SEC63: variants seen among roughly 807,000 people sequenced by gnomAD.
The protein encoded by SEC63 is translocation protein SEC63 homolog.
In SEC63, 56 loss-of-function variants were observed where a neutral mutation model predicts 116.2. The ratio of observed to expected loss-of-function variants is 0.48; its 90% CI spans 0.39 to 0.60. The LOEUF (loss-of-function observed/expected upper bound fraction) is 0.60, where lower values mean the gene tolerates loss of function less well. Ranked by LOEUF, SEC63 falls within the 20% of genes least tolerant of loss-of-function variation. The probability of loss-of-function intolerance (pLI) is 0.00; values close to 1 mark genes in which losing one functional copy is unlikely to be tolerated. For missense variants in SEC63, 668 were observed against 900.0 expected, an observed-to-expected ratio of 0.74 and a Z score of 3.30; for synonymous variants, 273 against 294.6, an observed-to-expected ratio of 0.93 and a Z score of 0.75.
In SEC63 at chr6:107,893,490, C is replaced by G; in HGVS notation, c.1666G>C (p.Val556Leu). 3 of 1,612,464 alleles carry G rather than the reference C, an allele frequency of 1.9e-6. No homozygotes were observed. The highest frequency in any genetic ancestry group is 2.5e-6 in the Non-Finnish European group (3 of 1,179,552). Reference protein sequence around the residue: ...QQKQKQANGVVGNEAAVKEDE... With the variant: ...QQKQKQANGVLGNEAAVKEDE... Reference sequence around the variant, plus strand: ...GATAATAATAAACTTACATTCCCAACGACTCCATTTGCCTGCTTTTGTTTC... The same window carrying G: ...GATAATAATAAACTTACATTCCCAAGGACTCCATTTGCCTGCTTTTGTTTC... The change falls in exon 16 of 21, where the codon GTT (valine) becomes CTT (leucine). Residue 556 changes from valine to leucine, a missense_variant. Physicochemically the swap from Val to Leu is conservative, Grantham distance 32 (BLOSUM62 1). Transcript: ENST00000369002.
At chr6:107,892,809 T>C (rs1203987601) in intron 16 of SEC63, among the ~76,000 whole-genome samples, 4 of 152,148 alleles carry the variant, frequency 2.6e-5, no homozygotes, top group Non-Finnish European at 1.5e-5. Flanking sequence ...ATCTGCCAAA[T>C]AGCTAAAAGA....
chr6:107,882,821 C>T (rs1786442129), intron 17 of SEC63, among the ~76,000 whole-genome samples, 167 bp downstream of exon 17: 1 of 152,076 alleles, frequency 6.6e-6, no homozygotes, highest in Non-Finnish European at 1.5e-5. Context: ...ACCTTGACTA[C>T]CATTCCTTAA....
chr6:107,896,051 A>G (rs1786810560), intron 14 of SEC63, among the ~76,000 whole-genome samples: 1 of 152,042 alleles, frequency 6.6e-6, no homozygotes, highest in South Asian at 2.1e-4. Context: ...CTGTGGTCCC[A>G]GCTACTCAGG....
At chr6:107,906,934 T>TA (rs906391007) in intron 8 of SEC63, among the ~76,000 whole-genome samples, 157 bp from the exon 9 acceptor site, 2 of 152,132 alleles carry the variant, frequency 1.3e-5, no homozygotes, top group East Asian at 1.9e-4. Context: ...ATTTCTTCCA[T>TA]AAAAAAAGTA....
intron 1 of SEC63, among the ~76,000 whole-genome samples, chr6:107,942,510 G>T (rs1770397668): frequency 6.6e-6 from 1 of 152,018 alleles, no homozygotes; most frequent in Admixed American, 6.6e-5. Flanking sequence ...GACTTTTCTG[G>T]ACACTGAGGA....
chr6:107,908,571 CA>C (rs1241145835), intron 8 of SEC63, among the ~76,000 whole-genome samples: 1 of 152,118 alleles, frequency 6.6e-6, no homozygotes, highest in Non-Finnish European at 1.5e-5. Flanking sequence ...TACTGTAAAA[CA>C]GCACTCACTT....
At chr6:107,957,367 A>T (rs977304893) in intron 1 of SEC63, 3 of 152,316 alleles carry the variant, frequency 2.0e-5, no homozygotes, top group African/African-American at 7.2e-5. Context: ...TGACGGGGGT[A>T]GGCGGTGGAA....
chr6:107,956,735 G>T (rs1473034177), intron 1 of SEC63, among the ~76,000 whole-genome samples: 1 of 151,974 alleles, frequency 6.6e-6, no homozygotes, highest in Non-Finnish European at 1.5e-5. Context: ...CATGGGGCGG[G>T]GGGGAAAAAG....
chr6:107,936,115 T>C (rs183766301), intron 1 of SEC63, among the ~76,000 whole-genome samples: 1 of 152,258 alleles, frequency 6.6e-6, no homozygotes, highest in Non-Finnish European at 1.5e-5. Context: ...GGCAGTTTGA[T>C]CTATTCAAAG....
Position 107,954,415 on chromosome 6 carries a change from A to G in SEC63, c.124+3471T>C, listed in dbSNP as rs141142386. 3.6e-3 allele frequency among the ~76,000 whole-genome samples: 526 copies of G among 147,916 alleles called. 3 individuals carry two copies. The highest frequency in any genetic ancestry group is 6.5e-3 in the Non-Finnish European group (439 of 67,274). On this transcript the variant is annotated intron_variant, in intron 1 of 20. Coordinates refer to ENST00000369002, the MANE Select transcript of SEC63 (RefSeq NM_007214.5). Reference sequence around the variant, plus strand: ...CTGACCCTCCCTCCACTATTGTCCTATGACCCTGCCAAATCCCCCTCTGTG... The same window carrying G: ...CTGACCCTCCCTCCACTATTGTCCTGTGACCCTGCCAAATCCCCCTCTGTG...
intron 18 of SEC63, among the ~76,000 whole-genome samples, chr6:107,880,635 A>G (rs1395649321): frequency 1.3e-5 from 2 of 152,234 alleles, no homozygotes. Flanking sequence ...AGCCAAGAAC[A>G]CAGTTGGTCC....
chr6:107,903,218 A>C lies in SEC63; in HGVS notation c.1055-220T>G, dbSNP rs2272886. 0.77 allele frequency among the ~76,000 whole-genome samples: 117,499 copies of C among 151,992 alleles called. 46,627 individuals carry two copies. The highest frequency in any genetic ancestry group is 0.9 in the South Asian group (4,341 of 4,820). On this transcript the variant is annotated intron_variant, in intron 11 of 20. Coordinates refer to ENST00000369002, the MANE Select transcript of SEC63 (RefSeq NM_007214.5). ...CAACAACCATTGATTTAAAAGAAAAATTATTTGCCTCACCTCAAATAATAG... is the reference window on the plus strand; with the variant it reads ...CAACAACCATTGATTTAAAAGAAAACTTATTTGCCTCACCTCAAATAATAG...
chr6:107,873,005 G>T (rs1363096449), intron 19 of SEC63, 93 bp from the exon 20 acceptor site: 2 of 782,160 alleles, frequency 2.6e-6, no homozygotes, highest in East Asian at 2.7e-5. Flanking sequence ...TAACAGCCAG[G>T]TTTTTTCTGC....
intron 1 of SEC63, among the ~76,000 whole-genome samples, chr6:107,955,291 T>G (rs1195052623): frequency 6.6e-6 from 1 of 152,118 alleles, no homozygotes; most frequent in Admixed American, 6.5e-5. Context: ...GCCTCCCGGG[T>G]AGCTGGAATT....
At chr6:107,891,371 T>C (rs990620476) in intron 16 of SEC63, among the ~76,000 whole-genome samples, 6 of 151,930 alleles carry the variant, frequency 3.9e-5, no homozygotes. Context: ...TATTGATACT[T>C]GTGTATGCTT....
intron 1 of SEC63, among the ~76,000 whole-genome samples, chr6:107,950,331 T>G (rs1445806027): frequency 6.6e-6 from 1 of 152,110 alleles, no homozygotes; most frequent in Non-Finnish European, 1.5e-5. Context: ...AATAATAGTT[T>G]CAGACTTCAA....
At chr6:107,937,088 T>C (rs939867609) in intron 1 of SEC63, among the ~76,000 whole-genome samples, 2 of 152,056 alleles carry the variant, frequency 1.3e-5, no homozygotes, top group South Asian at 2.1e-4. Context: ...TTCTTTTTAA[T>C]GGCTGTGTAG....
chr6:107,874,559 G>A (rs907037061), intron 19 of SEC63, among the ~76,000 whole-genome samples: 2 of 136,452 alleles, frequency 1.5e-5, no homozygotes, highest in African/African-American at 2.8e-5. Context: ...TCATGCCACT[G>A]CACTCCAGCC....
chr6:107,886,662 A>C (rs1268648948), intron 16 of SEC63, among the ~76,000 whole-genome samples: 2 of 151,688 alleles, frequency 1.3e-5, no homozygotes, highest in African/African-American at 4.9e-5. Flanking sequence ...CTTCTTTTGA[A>C]AAGTGCCTGT....
Sources: gnomAD v4.1 joint callset for allele counts (sites outside exome capture counted in the v4.1 genomes callset) on GRCh38, gnomAD v4.1.1 for gene constraint, MANE v1.5 for transcripts, NCBI Gene and HGNC (gene_info 2026-07-23, HGNC 2026-07-21) for gene names.